FLII: variants seen among roughly 807,000 people sequenced by gnomAD.
FLII encodes the protein FLII actin remodeling protein, also known as protein flightless-1 homolog.
Under a neutral mutation model 156.2 loss-of-function variants are expected in FLII, and 101 were observed. The observed-to-expected ratio is 0.65, with a 90% confidence interval of 0.55 to 0.76. The LOEUF (loss-of-function observed/expected upper bound fraction) is 0.76, where lower values mean the gene tolerates loss of function less well. FLII is among the 30% of genes least tolerant of loss of function. The pLI, the probability that FLII is intolerant of heterozygous loss-of-function variation, is 0.00. For missense variants in FLII, 1,675 were observed against 1,682.8 expected (o/e 1.00, Z 0.08); for synonymous variants, 767 against 685.8 (o/e 1.12, Z -1.85).
At chr17:18,247,378 T>TA (rs985906244) in intron 20 of FLII, 21 bp from the exon 21 acceptor site, 2 of 1,586,866 alleles carry the variant, frequency 1.3e-6, no homozygotes, top group African/African-American at 2.7e-5. Flanking sequence ...GGCCATCAAC[T>TA]AACCATGAGG....
At chr17:18,253,019 G>C (rs1051046976) in intron 9 of FLII, among the ~76,000 whole-genome samples, 1 of 152,152 alleles carries the variant, frequency 6.6e-6, no homozygotes, top group Admixed American at 6.5e-5. Flanking sequence ...GCGTGGTAGC[G>C]CACGCCTATA....
intron 28 of FLII, 24 bp from the exon 29 acceptor site, chr17:18,245,443 C>T (rs777359088): frequency 5.5e-5 from 89 of 1,613,504 alleles, no homozygotes; most frequent in Non-Finnish European, 7.0e-5. Flanking sequence ...AGGGGAGATA[C>T]GGTTGCATGG....
Position 18,246,922 on chromosome 17 carries a change from A to C in FLII, c.2807T>G (p.Phe936Cys), listed in dbSNP as rs1412789863. 1 of 1,614,106 alleles carries C rather than the reference A, an allele frequency of 6.2e-7. No individual in the cohort carries two copies. Among genetic ancestry groups the C allele is most frequent in the Non-Finnish European group, 8.5e-7 (1 of 1,180,002 alleles). The change falls in exon 22 of 30, where the codon TTC (phenylalanine) becomes TGC (cysteine). Residue 936 changes from phenylalanine (F) to cysteine (C), a missense_variant. Around this residue, in one of 2 missense-constraint regions of FLII, gnomAD observed 1,332 missense variants for 1,269.3 expected, o/e 1.05. Transcript: ENST00000327031. ...AGTGCTGAGGTGGTACCTGCAGAGGAAGACGTAGCAGTCCTGCGTGTAGAA... is the reference window on the plus strand; with the variant it reads ...AGTGCTGAGGTGGTACCTGCAGAGGCAGACGTAGCAGTCCTGCGTGTAGAA... ...GHFYTQDCYVFLCRYWVPVEY... is the reference protein window; with the variant it reads ...GHFYTQDCYVCLCRYWVPVEY...
intron 16 of FLII, 69 bp from the exon 17 acceptor site, chr17:18,248,952 C>A: frequency 6.8e-7 from 1 of 1,476,900 alleles, no homozygotes; most frequent in South Asian, 1.1e-5. Context: ...GCTCCTGACC[C>A]CACCAAAAAA....
Position 18,251,352 on chromosome 17 carries a change from G to A in FLII, c.1509C>T (p.Ile503=), listed in dbSNP as rs747199564. Residue 503 remains isoleucine (I), a synonymous_variant, in exon 13 of 30, where the codon ATC becomes ATT. Transcript: ENST00000327031. ...EDVGQLPGLT[I]WQIENFVPVL... ...CAGGCACGAAGTTCTCTATCTGCCA[G>A]ATGGTCAGTCCGGGCAGCTGGCCCA... 4.1e-5 allele frequency: 66 copies of A among 1,613,876 alleles called. No homozygotes were observed. The highest frequency in any genetic ancestry group is 5.4e-5 in the Non-Finnish European group (64 of 1,180,038).
At position 18,257,033 on chromosome 17, in the gene FLII, G is replaced by A. The variant is rs528219516; in HGVS notation, c.64-14C>T. On this transcript the variant is annotated splice_polypyrimidine_tract_variant and intron_variant, in intron 1 of 29. Coordinates refer to ENST00000327031, the MANE Select transcript of FLII (RefSeq NM_002018.4). Reference sequence around the variant, plus strand: ...GAAGTAGCCGCCCTGGGGGAAGGATGTCAAGGTGAAGCACAGAGCCCCTGC... The same window carrying A: ...GAAGTAGCCGCCCTGGGGGAAGGATATCAAGGTGAAGCACAGAGCCCCTGC... The A allele has an allele frequency of 6.9e-5, 109 of 1,569,312 alleles. 1 individual carries two copies. The South Asian group carries it at 1.2e-3, about 17-fold the overall frequency.
At chr17:18,248,495 C>A (rs750089925) in intron 18 of FLII, 55 bp downstream of exon 18, 9 of 1,527,492 alleles carry the variant, frequency 5.9e-6, no homozygotes, top group Non-Finnish European at 7.1e-6. Context: ...AGTCCATTCC[C>A]CCAGTCGGTG....
rs753516196 is a variant in FLII at position 18,247,389 on chromosome 17, G to A, written c.2488-32C>T. On this transcript the variant is annotated intron_variant, in intron 20 of 29. Transcript: ENST00000327031. ...GGGAGGCCATCAACTAACCATGAGG[G>A]GTGCGGCATGATTAGAGTTGGAGGA... 77 of 1,563,272 alleles carry A rather than the reference G, an allele frequency of 4.9e-5. No individual in the cohort carries two copies. In the South Asian group the frequency reaches 8.7e-4, roughly 18 times the overall value.
intron 18 of FLII, among the ~76,000 whole-genome samples, 175 bp downstream of exon 18, chr17:18,248,375 T>G (rs1211979515): frequency 6.6e-6 from 1 of 152,174 alleles, no homozygotes; most frequent in African/African-American, 2.4e-5. Context: ...GTGAGGCTAC[T>G]TCTCAAAAGC....
chr17:18,253,023 G>A (rs889194016), intron 9 of FLII, among the ~76,000 whole-genome samples: 2 of 152,142 alleles, frequency 1.3e-5, no homozygotes, highest in East Asian at 1.9e-4. Flanking sequence ...GGTAGCGCAC[G>A]CCTATAATCC....
chr17:18,245,381 C>G lies in FLII; in HGVS notation c.3648G>C (p.Glu1216Asp). The G allele has an allele frequency of 6.2e-7, 1 of 1,614,218 alleles. No homozygotes were observed. The highest frequency in any genetic ancestry group is 2.2e-5 in the East Asian group (1 of 44,874). Residue 1216 changes from glutamate to aspartate, a missense_variant, in exon 29 of 30, where the codon GAG becomes GAC. Around this residue, in one of 2 missense-constraint regions of FLII, gnomAD observed 1,332 missense variants for 1,269.3 expected, o/e 1.05. Coordinates refer to ENST00000327031, the MANE Select transcript of FLII (RefSeq NM_002018.4). ...GGCAGGCCTTCAGGCTCAGCTTGAT[C>G]TCCACCTGGCTAGTCTGGGTCCCCA... ...MWVGTQTSQV[E>D]IKLSLKACQV...
rs150392959 is a variant in FLII at position 18,246,648 on chromosome 17, G to A, written c.2997C>T (p.Thr999=). The change falls in exon 23 of 30, where the codon ACC becomes ACT. Residue 999 remains threonine, a synonymous_variant. Coordinates refer to ENST00000327031, the MANE Select transcript of FLII (RefSeq NM_002018.4). ...ACTTCTTTTGCAGGCTGAAGGTGAA[G>A]GTGAGCCAGCCCATATTGGAGGCTT... The part of the protein sequence containing the change: ...GREASNMGWL[T]FTFSLQKKFE... 989 of 1,613,832 alleles carry A rather than the reference G, an allele frequency of 6.1e-4. No homozygotes were observed. The highest frequency in any genetic ancestry group is 8.1e-4 in the Non-Finnish European group (959 of 1,179,942).
intron 26 of FLII, 25 bp downstream of exon 26, chr17:18,245,909 C>T: frequency 1.2e-6 from 2 of 1,611,678 alleles, no homozygotes; most frequent in Non-Finnish European, 1.7e-6. Context: ...TCTGTGTGTG[C>T]CCGCCTGCCC....
rs2142762422 is a variant in FLII at position 18,244,831 on chromosome 17, A to G, written c.*307T>C. ...TTAGCGCCATTTTAATATTAAAAATACTGATTTTTAATATTGAAAATAAAA... is the reference window on the plus strand; with the variant it reads ...TTAGCGCCATTTTAATATTAAAAATGCTGATTTTTAATATTGAAAATAAAA... On this transcript the variant is annotated 3_prime_UTR_variant, in exon 30 of 30. Coordinates refer to ENST00000327031, the MANE Select transcript of FLII (RefSeq NM_002018.4). 1 of 388,050 alleles carries G rather than the reference A, an allele frequency of 2.6e-6. No homozygotes were observed. Among genetic ancestry groups the G allele is most frequent in the Non-Finnish European group, 4.6e-6 (1 of 219,730 alleles). The allele number at this position is 388,050 out of a possible 1,614,324, so 24.0% of individuals were successfully genotyped here.
chr17:18,253,589 G>T lies in FLII; in HGVS notation c.810C>A (p.His270Gln). The T allele has an allele frequency of 6.2e-7, 1 of 1,614,024 alleles. No individual in the cohort carries two copies. Among genetic ancestry groups the T allele is most frequent in the Non-Finnish European group, 8.5e-7 (1 of 1,180,000 alleles). Reference sequence around the variant, plus strand: ...TTCGGGACAGGTTCAGAGTTTCCACGTGCACCCACTGGTCTATGCACAGGG... The same window carrying T: ...TTCGGGACAGGTTCAGAGTTTCCACTTGCACCCACTGGTCTATGCACAGGG... ...ELSLCIDQWV[H>Q]VETLNLSRNQ... The change falls in exon 8 of 30, where the codon CAC becomes CAA. Residue 270 changes from histidine (H) to glutamine (Q), a missense_variant. His to Gln is a conservative substitution (Grantham distance 24). Around this residue, in one of 2 missense-constraint regions of FLII, gnomAD observed 343 missense variants for 413.5 expected, o/e 0.83. Coordinates refer to ENST00000327031, the MANE Select transcript of FLII (RefSeq NM_002018.4).
rs1338009677 is a variant in FLII at position 18,245,086 on chromosome 17, G to A, written c.*52C>T. 6.4e-7 allele frequency: 1 copy of A among 1,567,782 alleles called. No individual in the cohort carries two copies. The highest frequency in any genetic ancestry group is 8.7e-7 in the Non-Finnish European group (1 of 1,151,544). On this transcript the variant is annotated 3_prime_UTR_variant, in exon 30 of 30. Coordinates refer to ENST00000327031, the MANE Select transcript of FLII (RefSeq NM_002018.4). The stretch of plus-strand genomic sequence containing the variant: ...AGTACATTCTTTGCTAGCAGACAGT[G>A]GATGAGGCCCCTTCCTCTTCCTCAC...
rs1597896804 is a variant in FLII, at chr17:18,246,237, G to T, written c.3207-15C>A. On this transcript the variant is annotated splice_polypyrimidine_tract_variant and intron_variant, in intron 24 of 29. Coordinates refer to ENST00000327031, the MANE Select transcript of FLII (RefSeq NM_002018.4). ...TCTGGATGCACCTGTGGAAGGGATG[G>T]GGCATCAGCAAGGATTCAGGCCTGG... 1 of 1,613,948 alleles carries T rather than the reference G, an allele frequency of 6.2e-7. No individual in the cohort carries two copies. Among genetic ancestry groups the T allele is most frequent in the Admixed American group, 1.7e-5 (1 of 60,002 alleles).
chr17:18,246,912 C>T lies in FLII; in HGVS notation c.2816+1G>A. ...TGGGGAAGGGAGTGCTGAGGTGGTA[C>T]CTGCAGAGGAAGACGTAGCAGTCCT... On this transcript the variant is annotated splice_donor_variant, in intron 22 of 29. Coordinates refer to ENST00000327031, the MANE Select transcript of FLII (RefSeq NM_002018.4). LOFTEE classifies it high-confidence loss of function. 2 of 1,614,168 alleles carry T rather than the reference C, an allele frequency of 1.2e-6. No individual in the cohort carries two copies. The highest frequency in any genetic ancestry group is 2.2e-5 in the East Asian group (1 of 44,874).
rs759987184 is a variant in FLII at position 18,251,793 on chromosome 17, T to C, written c.1270A>G (p.Met424Val). 3.1e-6 allele frequency: 5 copies of C among 1,613,738 alleles called. No homozygotes were observed. The Admixed American group carries it at 5.0e-5, about 16-fold the overall frequency. ...AAAGSGPKDP[M>V]ARKMRLRRRK... ...CTCCGCAGTCGCATCTTGCGAGCCA[T>C]AGGGTCCTTGGGCCCACTCCCTGCT... Residue 424 changes from methionine to valine, a missense_variant, in exon 12 of 30, where the codon ATG becomes GTG. Coordinates refer to ENST00000327031, the MANE Select transcript of FLII (RefSeq NM_002018.4).
Sources: allele counts gnomAD v4.1 joint callset (sites outside exome capture counted in the v4.1 genomes callset), GRCh38; gene constraint gnomAD v4.1.1; regional missense constraint gnomAD v4.1.1; transcripts MANE v1.5; gene names NCBI Gene and HGNC (gene_info 2026-07-23, HGNC 2026-07-21).